Variants in MAP4K2 observed in about 807,000 individuals in gnomAD.
The protein encoded by MAP4K2 is mitogen-activated protein kinase kinase kinase kinase 2, also known as B lymphocyte serine/threonine protein kinase.
A neutral mutation model predicts 125.3 loss-of-function variants in MAP4K2; 85 were observed. The observed-to-expected ratio is 0.68, with a 90% confidence interval of 0.57 to 0.81. The LOEUF (loss-of-function observed/expected upper bound fraction) is 0.81. MAP4K2 is among the 40% of genes least tolerant of loss of function. The pLI is 0.00. For synonymous variants in MAP4K2, 479 were observed against 445.1 expected, an observed-to-expected ratio of 1.08 and a Z score of -0.96; for missense variants, 923 against 1,056.4, an observed-to-expected ratio of 0.87 and a Z score of 1.75.
intron 17 of MAP4K2, 24 bp downstream of exon 17, chr11:64,797,477 C>T: frequency 6.4e-7 from 1 of 1,560,076 alleles, no homozygotes; most frequent in South Asian, 1.2e-5. Context: ...TGGATCCCAG[C>T]TCCAGCCTCC....
At chr11:64,801,862 CCT>C (rs1941198480) in intron 5 of MAP4K2, 105 bp from the exon 6 acceptor site, 2 of 1,275,442 alleles carry the variant, frequency 1.6e-6, no homozygotes, top group Non-Finnish European at 2.2e-6. Context: ...TTCTTCCTCC[CCT>C]CTCCCCAAAC....
Position 64,796,624 on chromosome 11 carries a change from CG to C in MAP4K2, c.1572+9del. The C allele has an allele frequency of 1.9e-6, 3 of 1,614,058 alleles. No individual in the cohort carries two copies. Among genetic ancestry groups the C allele is most frequent in the Non-Finnish European group, 2.5e-6 (3 of 1,180,034 alleles). ...AAGGCCTCTGCCCCCCACAGCCAGC[CG>C]GGCCTCACCTTCTCCAGCGTATCCT... On this transcript the variant is annotated intron_variant, in intron 22 of 31. Coordinates refer to ENST00000294066, the MANE Select transcript of MAP4K2 (RefSeq NM_004579.5).
intron 7 of MAP4K2, 59 bp from the exon 8 acceptor site, chr11:64,801,242 C>A: frequency 1.3e-6 from 2 of 1,576,520 alleles, no homozygotes; most frequent in East Asian, 2.3e-5. Flanking sequence ...CCTCCCACGC[C>A]CAGGGCTCTG....
chr11:64,798,591 G>A (rs938614834), intron 15 of MAP4K2, among the ~76,000 whole-genome samples: 1 of 142,320 alleles, frequency 7.0e-6, no homozygotes, highest in African/African-American at 2.7e-5. Context: ...TGAGCCACCC[G>A]CCCAGCCTAA....
In MAP4K2 at chr11:64,801,138, C is replaced by G; in HGVS notation, c.503G>C (p.Arg168Thr). 1 of 1,613,570 alleles carries G rather than the reference C, an allele frequency of 6.2e-7. No homozygotes were observed. The highest frequency in any genetic ancestry group is 8.5e-7 in the Non-Finnish European group (1 of 1,179,988). Reference protein sequence around the residue: ...SGELTASVAKRRSFIGTPYWM... With the variant: ...SGELTASVAKTRSFIGTPYWM... The stretch of plus-strand genomic sequence containing the variant: ...GTAGGGAGTCCCAATGAAAGACCTC[C>G]TCTTGGCCACAGACGCTGTCAGCTC... The change falls in exon 8 of 32, where the codon AGG (arginine) becomes ACG (threonine). Residue 168 changes from arginine (R) to threonine (T), a missense_variant. Transcript: ENST00000294066.
chr11:64,798,142 C>T (rs1228191332), intron 15 of MAP4K2, among the ~76,000 whole-genome samples: 1 of 152,056 alleles, frequency 6.6e-6, no homozygotes, highest in African/African-American at 2.4e-5. Flanking sequence ...CAGGCGTGGG[C>T]CACCATGCCC....
Position 64,802,951 on chromosome 11 carries a change from G to A in MAP4K2, c.97-9C>T, listed in dbSNP as rs781307239. ...GTGACCGTGTCGCGGGCCTGCAGGG[G>A]CGGAGGGTGAAGCGGGATGGGGGGC... On this transcript the variant is annotated splice_polypyrimidine_tract_variant and intron_variant, in intron 1 of 31. Coordinates refer to ENST00000294066, the MANE Select transcript of MAP4K2 (RefSeq NM_004579.5). 13 of 1,572,202 alleles carry A rather than the reference G, an allele frequency of 8.3e-6. No individual in the cohort carries two copies. In the South Asian group the frequency reaches 1.4e-4, roughly 17 times the overall value.
Position 64,801,743 on chromosome 11 carries a change from C to G in MAP4K2, c.381G>C (p.Leu127=), listed in dbSNP as rs534326303. 1 of 1,613,592 alleles carries G rather than the reference C, an allele frequency of 6.2e-7. No individual in the cohort carries two copies. Among genetic ancestry groups the G allele is most frequent in the African/African-American group, 1.3e-5 (1 of 75,032 alleles). Residue 127 remains leucine (L), a synonymous_variant, in exon 6 of 32, where the codon CTG becomes CTC. Transcript: ENST00000294066. ...CTCTGTGGATCTTCCCCTGAGAATG[C>G]AGGTGGTGGAGCCCCTGGCGACAAA... ...CREALKGLHH[L]HSQGKIHRDI... is the part of the protein sequence containing the mutation.
rs946701272 is a variant in MAP4K2, at chr11:64,787,466, T to G, written c.*2071A>C. ...ACTTCTAGAAGGGTTCATAAGTAAC[T>G]GAGACCAGGGTGGCTGGGGACGGGG... On this transcript the variant is annotated 3_prime_UTR_variant, in exon 32 of 32. Coordinates refer to ENST00000294066, the MANE Select transcript of MAP4K2 (RefSeq NM_004579.5). 1 of 152,248 alleles carries G rather than the reference T, an allele frequency of 6.6e-6. No individual in the cohort carries two copies. Among genetic ancestry groups the G allele is most frequent in the African/African-American group, 2.4e-5 (1 of 41,466 alleles). The allele number at this position is 152,248 out of a possible 1,614,324, so 9.4% of individuals were successfully genotyped here. A position where few individuals can be genotyped will look rare whatever the true frequency, so the allele number is the denominator to read the frequency against.
At position 64,796,846 on chromosome 11, in the gene MAP4K2, G is replaced by A. The variant is rs377475476; in HGVS notation, c.1455C>T (p.Ile485=). ...SKVFNGCPLR[I]HAAVTWIHPV... Reference sequence around the variant, plus strand: ...GGTGAATCCAGGTGACAGCAGCGTGGATCCGCAGGGGGCAGCCATTGAAGA... The same window carrying A: ...GGTGAATCCAGGTGACAGCAGCGTGAATCCGCAGGGGGCAGCCATTGAAGA... Residue 485 remains isoleucine, a synonymous_variant, in exon 21 of 32, where the codon ATC becomes ATT. Coordinates refer to ENST00000294066, the MANE Select transcript of MAP4K2 (RefSeq NM_004579.5). 31 of 1,613,696 alleles carry A rather than the reference G, an allele frequency of 1.9e-5. No individual in the cohort carries two copies. Among genetic ancestry groups the A allele is most frequent in the Non-Finnish European group, 2.5e-5 (30 of 1,180,042 alleles).
intron 10 of MAP4K2, 121 bp downstream of exon 10, chr11:64,800,643 G>C (rs983651305): frequency 7.3e-7 from 1 of 1,369,344 alleles, no homozygotes; most frequent in Non-Finnish European, 1.0e-6. Flanking sequence ...GACTCAGATG[G>C]TCTGTAGTAG....
At chr11:64,794,142 G>A (rs185268541) in intron 24 of MAP4K2, among the ~76,000 whole-genome samples, 3 of 152,304 alleles carry the variant, frequency 2.0e-5, no homozygotes, top group Admixed American at 6.5e-5. Flanking sequence ...ATGGACTGAC[G>A]CAGGTCCCAC....
Position 64,797,117 on chromosome 11 carries a change from C to T in MAP4K2, c.1352G>A (p.Arg451Gln), listed in dbSNP as rs779390703. The change falls in exon 19 of 32, where the codon CGG becomes CAG. Residue 451 changes from arginine to glutamine, a missense_variant. Around this residue, in one of 2 missense-constraint regions of MAP4K2, gnomAD observed 833 missense variants for 911.4 expected, o/e 0.91. Transcript: ENST00000294066. ...GCACCCTCTTACCTCAGGATCCTCC[C>T]GCTGCTTCATGGTGGCCCAGGCCGT... is the stretch of plus-strand genomic sequence containing the variant. ...LPTAWATMKQ[R>Q]EDPERSSCHG... is the part of the protein sequence containing the mutation. 1.4e-5 allele frequency: 22 copies of T among 1,614,054 alleles called. No individual in the cohort carries two copies. Among genetic ancestry groups the T allele is most frequent in the Middle Eastern group, 1.6e-4 (1 of 6,084 alleles).
Position 64,803,141 on chromosome 11 carries a change from C to G in MAP4K2, c.9G>C (p.Leu3=). Residue 3 remains leucine, a synonymous_variant, in exon 1 of 32, where the codon CTG becomes CTC. Coordinates refer to ENST00000294066, the MANE Select transcript of MAP4K2 (RefSeq NM_004579.5). ...GGTCCTGCAGCGACACATCCCGCAG[C>G]AGCGCCATGGCCCGGCGCCGGGCGG... is the stretch of plus-strand genomic sequence containing the variant. The part of the protein sequence containing the change: MA[L]LRDVSLQDPR... 1 of 1,520,010 alleles carries G rather than the reference C, an allele frequency of 6.6e-7. No individual in the cohort carries two copies. Among genetic ancestry groups the G allele is most frequent in the Non-Finnish European group, 8.7e-7 (1 of 1,143,734 alleles). 94.2% of individuals were successfully genotyped at this position (1,520,010 alleles called of 1,614,324 possible).
Position 64,785,057 on chromosome 11 carries a change from A to G in MAP4K2, c.*4480T>C, listed in dbSNP as rs1384635258. ...GGCAATAAAAAGGAATAAAATATTA[A>G]TGCATGCAACAGGGATGACTCGCAA... On this transcript the variant is annotated 3_prime_UTR_variant, in exon 32 of 32. Coordinates refer to ENST00000294066, the MANE Select transcript of MAP4K2 (RefSeq NM_004579.5). The G allele has an allele frequency of 2.0e-5, 3 of 152,284 alleles. No individual in the cohort carries two copies. Among genetic ancestry groups the G allele is most frequent in the Non-Finnish European group, 2.9e-5 (2 of 68,064 alleles). 9.4% of individuals were successfully genotyped at this position (152,284 alleles called of 1,614,324 possible).
chr11:64,795,237 C>T (rs935378479), intron 24 of MAP4K2, among the ~76,000 whole-genome samples: 17 of 151,618 alleles, frequency 1.1e-4, no homozygotes, highest in African/African-American at 4.1e-4. Flanking sequence ...GTGCGCACCA[C>T]TACACCCAGC....
Position 64,803,051 on chromosome 11 carries a change from C to T in MAP4K2, c.96+3G>A. 1 of 1,604,308 alleles carries T rather than the reference C, an allele frequency of 6.2e-7. No homozygotes were observed. Among genetic ancestry groups the T allele is most frequent in the Non-Finnish European group, 8.5e-7 (1 of 1,178,122 alleles). ...CCCGGCTCTCCCGCCCGTCCCGTCG[C>T]ACCTTGTAGACGTCGCCATAGGTCC... On this transcript the variant is annotated splice_donor_region_variant and intron_variant, in intron 1 of 31. Coordinates refer to ENST00000294066, the MANE Select transcript of MAP4K2 (RefSeq NM_004579.5).
rs770693202 is a variant in MAP4K2, at chr11:64,802,672, C to T, written c.155-19G>A. On this transcript the variant is annotated intron_variant, in intron 2 of 31. Transcript: ENST00000294066. ...TCGTCCCCTGGGAAGCACAAAGCAT[C>T]ATGGGGAAGGCGCGCTGGGGTTGCC... The T allele has an allele frequency of 1.2e-6, 2 of 1,609,470 alleles. No homozygotes were observed. Among genetic ancestry groups the T allele is most frequent in the Non-Finnish European group, 1.7e-6 (2 of 1,177,794 alleles).
At chr11:64,795,626 T>C (rs1940751374) in intron 24 of MAP4K2, among the ~76,000 whole-genome samples, 1 of 152,108 alleles carries the variant, frequency 6.6e-6, no homozygotes, top group Admixed American at 6.6e-5. Context: ...ATAGTCTCCA[T>C]CTCCTGACCT....
Sources: allele counts gnomAD v4.1 joint callset (sites outside exome capture counted in the v4.1 genomes callset), GRCh38; gene constraint gnomAD v4.1.1; regional missense constraint gnomAD v4.1.1; transcripts MANE v1.5; gene names NCBI Gene and HGNC (gene_info 2026-07-23, HGNC 2026-07-21).